The following NCR3LG1 variants were observed in gnomAD, a reference collection of about 807,000 sequenced individuals.
NCR3LG1 encodes natural cytotoxicity triggering receptor 3 ligand 1.
Under a neutral mutation model 34.8 loss-of-function variants are expected in NCR3LG1, and 35 were observed. That is an observed-to-expected ratio of 1.01 (90% confidence interval 0.77 to 1.33). The LOEUF (loss-of-function observed/expected upper bound fraction) is 1.33, where lower values mean the gene tolerates loss of function less well. Among genes scored for constraint, NCR3LG1 ranks in the 40% most tolerant of loss-of-function variants. The pLI is 0.00. For missense variants in NCR3LG1, 452 were observed against 423.3 expected, an observed-to-expected ratio of 1.07 and a Z score of -0.60; for synonymous variants, 173 against 163.6, an observed-to-expected ratio of 1.06 and a Z score of -0.44.
In NCR3LG1 at chr11:17,368,914, T is replaced by C. The variant is rs763634358; in HGVS notation, c.808T>C (p.Phe270Leu). The change falls in exon 4 of 5, where the codon TTC becomes CTC. Residue 270 changes from phenylalanine to leucine, a missense_variant. By Grantham distance (22) the Phe-to-Leu change is conservative (BLOSUM62 0). Coordinates refer to ENST00000338965, the MANE Select transcript of NCR3LG1 (RefSeq NM_001202439.3). ...NFSIHWWPIS[F>L]IGVGLVLLIV... ...TTCCATTCATTGGTGGCCTATTTCA[T>C]TCATTGGTGTTGGACTGGTTTTATT... 5 of 1,535,350 alleles carry C rather than the reference T, an allele frequency of 3.3e-6. No homozygotes were observed. The highest frequency in any genetic ancestry group is 4.4e-6 in the Non-Finnish European group (5 of 1,146,286).
At chr11:17,368,065 G>A (rs1284323098) in intron 3 of NCR3LG1, among the ~76,000 whole-genome samples, 1 of 152,134 alleles carries the variant, frequency 6.6e-6, no homozygotes, top group Non-Finnish European at 1.5e-5. Context: ...TGATCCGCCC[G>A]CCTCAGCCTC....
chr11:17,359,481 A>G (rs1953246339), intron 2 of NCR3LG1, among the ~76,000 whole-genome samples: 1 of 150,766 alleles, frequency 6.6e-6, no homozygotes, highest in South Asian at 2.1e-4. Context: ...CTACTAGAGT[A>G]CAGTGCTTTT....
rs1953294195 is a variant in NCR3LG1 at position 17,362,788 on chromosome 11, CTT to C, written c.422-4219_422-4218del. Among the ~76,000 whole-genome samples the C allele has an allele frequency of 6.5e-5, 7 of 107,566 alleles. 1 individual carries two copies. The highest frequency in any genetic ancestry group is 1.8e-4 in the African/African-American group (4 of 22,512). The allele number at this position is 107,566 out of a possible 152,430, so 70.6% of individuals were successfully genotyped here. On this transcript the variant is annotated intron_variant, in intron 2 of 4. Transcript: ENST00000338965. ...TCTTTCCTTCCTTCCTTCTTTCCTT[CTT>C]TCTCTCTCTTTCTTTCTTTCTTTCT...
chr11:17,363,154 G>A (rs1310996166), intron 2 of NCR3LG1, among the ~76,000 whole-genome samples: 1 of 150,294 alleles, frequency 6.7e-6, no homozygotes, highest in Non-Finnish European at 1.5e-5. Context: ...AACTCCCTCG[G>A]CTCAAGTGAT....
Position 17,356,891 on chromosome 11 carries a change from A to G in NCR3LG1, c.311A>G (p.Asp104Gly), listed in dbSNP as rs1953215968. The G allele has an allele frequency of 6.5e-7, 1 of 1,536,080 alleles. No homozygotes were observed. Among genetic ancestry groups the G allele is most frequent in the African/African-American group, 1.4e-5 (1 of 73,152 alleles). Residue 104 changes from aspartate (D) to glycine (G), a missense_variant, in exon 2 of 5, where the codon GAC (aspartate) becomes GGC (glycine). Asp to Gly is a moderately conservative substitution (Grantham distance 94). Coordinates refer to ENST00000338965, the MANE Select transcript of NCR3LG1 (RefSeq NM_001202439.3). Reference sequence around the variant, plus strand: ...TCTCCATGGAGGCTGAAGAGTGGGGACGCCTCACTGCGGCTGCCTGGAATC... The same window carrying G: ...TCTCCATGGAGGCTGAAGAGTGGGGGCGCCTCACTGCGGCTGCCTGGAATC... ...IVSPWRLKSG[D>G]ASLRLPGIQL...
At position 17,373,416 on chromosome 11, in the gene NCR3LG1, A is replaced by G. The variant is rs147111794; in HGVS notation, c.*904A>G. On this transcript the variant is annotated 3_prime_UTR_variant, in exon 5 of 5. Transcript: ENST00000338965. ...CCACCTCAACCCTGTCCAGTATACAATGGGGACCACTGGAAGGCAGACTGT... is the reference window on the plus strand; with the variant it reads ...CCACCTCAACCCTGTCCAGTATACAGTGGGGACCACTGGAAGGCAGACTGT... 1,280 of 152,288 alleles carry G rather than the reference A, an allele frequency of 8.4e-3. 15 individuals are homozygous for G. The highest frequency in any genetic ancestry group is 0.028 in the African/African-American group (1,167 of 41,474). The allele number at this position is 152,288 out of a possible 1,614,324, so 9.4% of individuals were successfully genotyped here.
At chr11:17,357,648 C>T (rs1401321455) in intron 2 of NCR3LG1, among the ~76,000 whole-genome samples, 1 of 121,306 alleles carries the variant, frequency 8.2e-6, no homozygotes, top group African/African-American at 3.2e-5. Flanking sequence ...GCTATATATA[C>T]GGCCAACTGA....
In NCR3LG1 at chr11:17,368,774, T is replaced by C. The variant is rs967856595; in HGVS notation, c.761-93T>C. 6 of 827,168 alleles carry C rather than the reference T, an allele frequency of 7.3e-6. No individual in the cohort carries two copies. The Admixed American group carries it at 1.3e-4, about 17-fold the overall frequency. The allele number at this position is 827,168 out of a possible 1,614,324, so 51.2% of individuals were successfully genotyped here. Reference sequence around the variant, plus strand: ...GTGGTTAAATCTCTGACAAGGAGGATGACACAACCACACAGTTCCCAGCAG... The same window carrying C: ...GTGGTTAAATCTCTGACAAGGAGGACGACACAACCACACAGTTCCCAGCAG... On this transcript the variant is annotated intron_variant, in intron 3 of 4. Transcript: ENST00000338965.
intron 4 of NCR3LG1, among the ~76,000 whole-genome samples, chr11:17,369,553 A>T (rs1439433474): frequency 6.6e-6 from 1 of 152,262 alleles, no homozygotes; most frequent in African/African-American, 2.4e-5. Context: ...TGGTTAAAAT[A>T]GTTTTAGATA....
intron 2 of NCR3LG1, among the ~76,000 whole-genome samples, chr11:17,360,750 T>G (rs1953261412): frequency 6.6e-6 from 1 of 152,156 alleles, no homozygotes; most frequent in African/African-American, 2.4e-5. Context: ...CTATTCAGTT[T>G]CTTTTCTTTT....
chr11:17,369,573 C>A (rs114263086), intron 4 of NCR3LG1, among the ~76,000 whole-genome samples: 2,086 of 152,294 alleles, frequency 0.014, 55 homozygotes, highest in African/African-American at 0.048. Context: ...AATAAAAGGG[C>A]CCTCAATTAT....
Position 17,351,982 on chromosome 11 carries a change from G to A in NCR3LG1, c.13G>A (p.Ala5Thr), listed in dbSNP as rs1344977101. 1.3e-6 allele frequency: 2 copies of A among 1,526,982 alleles called. No homozygotes were observed. The highest frequency in any genetic ancestry group is 1.8e-6 in the Non-Finnish European group (2 of 1,142,730). The allele number at this position is 1,526,982 out of a possible 1,614,324, so 94.6% of individuals were successfully genotyped here. A position where few individuals can be genotyped will look rare whatever the true frequency, so the allele number is the denominator to read the frequency against. Residue 5 changes from alanine (A) to threonine (T), a missense_variant, in exon 1 of 5, where the codon GCT becomes ACT. Ala to Thr is a moderately conservative substitution (Grantham distance 58). Coordinates refer to ENST00000338965, the MANE Select transcript of NCR3LG1 (RefSeq NM_001202439.3). Reference protein sequence around the residue: MTWRAAASTCAALLI... With the variant: MTWRTAASTCAALLI... Reference sequence around the variant, plus strand: ...AGCAGCCGCGGCGATGACGTGGAGGGCTGCCGCCTCCACGTGCGCGGCGCT... The same window carrying A: ...AGCAGCCGCGGCGATGACGTGGAGGACTGCCGCCTCCACGTGCGCGGCGCT...
chr11:17,355,707 C>T (rs969510280), intron 1 of NCR3LG1, among the ~76,000 whole-genome samples: 1 of 152,150 alleles, frequency 6.6e-6, no homozygotes, highest in Admixed American at 6.5e-5. Context: ...GTGAGAGCCT[C>T]ATTTCTAGTT....
At chr11:17,371,873 T>C (rs1953409325) in intron 4 of NCR3LG1, 133 bp from the exon 5 acceptor site, 1 of 605,904 alleles carries the variant, frequency 1.7e-6, no homozygotes, top group Non-Finnish European at 2.9e-6. Context: ...GCACCTATAA[T>C]GGTCACCAGG....
chr11:17,353,079 T>G (rs1953157716), intron 1 of NCR3LG1, among the ~76,000 whole-genome samples: 1 of 152,162 alleles, frequency 6.6e-6, no homozygotes, highest in Non-Finnish European at 1.5e-5. Context: ...CGTGGAGACC[T>G]TGGCGGCAGC....
downstream of NCR3LG1, among the ~76,000 whole-genome samples, chr11:17,379,951 A>T (rs1294159541): frequency 3.9e-5 from 6 of 152,024 alleles, no homozygotes; most frequent in Admixed American, 2.0e-4. Flanking sequence ...CCAGCTACAG[A>T]TCTCAGGGAT....
chr11:17,367,447 G>A (rs965465547), intron 3 of NCR3LG1, 100 bp downstream of exon 3: 4 of 1,026,910 alleles, frequency 3.9e-6, no homozygotes, highest in Non-Finnish European at 5.5e-6. Flanking sequence ...GGACTGAAGG[G>A]GAAACAGAGA....
chr11:17,381,407 A>G (rs1352642555), downstream of NCR3LG1: 3 of 152,606 alleles, frequency 2.0e-5, no homozygotes, highest in Admixed American at 2.0e-4. Flanking sequence ...AGCCTGCTCA[A>G]GAGCACACTG....
Position 17,372,116 on chromosome 11 carries a change from T to C in NCR3LG1, c.969T>C (p.Thr323=), listed in dbSNP as rs1195729408. ...AAGAGCACCTCATATTCTTTTGCAC[T>C]CGGGCATGGCCGTCTTACCAGCTGC... The part of the protein sequence containing the change: ...LKKEHLIFFC[T]RAWPSYQLQD... Residue 323 remains threonine, a synonymous_variant, in exon 5 of 5, where the codon ACT becomes ACC. Coordinates refer to ENST00000338965, the MANE Select transcript of NCR3LG1 (RefSeq NM_001202439.3). 1.4e-6 allele frequency: 1 copy of C among 702,858 alleles called. No individual in the cohort carries two copies. Among genetic ancestry groups the C allele is most frequent in the Non-Finnish European group, 2.6e-6 (1 of 385,006 alleles). The allele number at this position is 702,858 out of a possible 1,614,324, so 43.5% of individuals were successfully genotyped here. A position where few individuals can be genotyped will look rare whatever the true frequency, so the allele number is the denominator to read the frequency against.
Sources: allele counts gnomAD v4.1 joint callset (sites outside exome capture counted in the v4.1 genomes callset), GRCh38; gene constraint gnomAD v4.1.1; transcripts MANE v1.5; gene names NCBI Gene and HGNC (gene_info 2026-07-23, HGNC 2026-07-21).